The following ZNF724 variants were observed in gnomAD, a reference collection of about 807,000 sequenced individuals.
ZNF724 encodes the protein zinc finger protein 724.
Under a neutral mutation model 29.3 loss-of-function variants are expected in ZNF724, and 14 were observed. The ratio of observed to expected loss-of-function variants is 0.48; its 90% CI spans 0.32 to 0.75. The LOEUF is 0.75. Ranked by LOEUF, ZNF724 falls within the 30% of genes least tolerant of loss-of-function variation. The probability of loss-of-function intolerance (pLI) is 0.04; values close to 1 mark genes in which losing one functional copy is unlikely to be tolerated. For synonymous variants in ZNF724, 180 were observed against 193.6 expected (o/e 0.93, Z 0.58); for missense variants, 557 against 571.2 (o/e 0.98, Z 0.25).
intron 1 of ZNF724, chr19:23,236,561 T>A (rs1226072776): frequency 6.5e-6 from 1 of 153,216 alleles, no homozygotes; most frequent in Non-Finnish European, 1.5e-5. Context: ...CTCTTCATCT[T>A]AGTAAAATTA....
intron 1 of ZNF724, among the ~76,000 whole-genome samples, chr19:23,235,969 AAAG>A (rs758331590): frequency 9.2e-5 from 14 of 152,148 alleles, no homozygotes; most frequent in Non-Finnish European, 1.6e-4. Flanking sequence ...TCCACAAGTA[AAAG>A]AATTTATAGC....
intron 1 of ZNF724, among the ~76,000 whole-genome samples, chr19:23,239,287 G>A (rs193085925): frequency 1.1e-4 from 17 of 151,718 alleles, no homozygotes; most frequent in African/African-American, 1.9e-4. Context: ...TCATCACCAC[G>A]TCACATACTC....
intron 1 of ZNF724, among the ~76,000 whole-genome samples, chr19:23,233,137 T>C (rs941217889): frequency 2.6e-5 from 4 of 152,172 alleles, no homozygotes; most frequent in Admixed American, 6.5e-5. Context: ...TAAATTATAG[T>C]CTAAATTCAA....
At chr19:23,241,009 G>T (rs1972114464) in intron 1 of ZNF724, among the ~76,000 whole-genome samples, 1 of 151,794 alleles carries the variant, frequency 6.6e-6, no homozygotes, top group Non-Finnish European at 1.5e-5. Context: ...CTCCAACCTG[G>T]GCAACAGAGC....
chr19:23,240,281 CAA>C (rs34902602), intron 1 of ZNF724, among the ~76,000 whole-genome samples: 77,566 of 118,510 alleles, frequency 0.65, 25,014 homozygotes, highest in South Asian at 0.74. Flanking sequence ...GAGACTCTGT[CAA>C]AAAAAAAAAA....
intron 1 of ZNF724, among the ~76,000 whole-genome samples, chr19:23,242,005 C>G (rs142518952): frequency 6.6e-6 from 1 of 152,286 alleles, no homozygotes; most frequent in Non-Finnish European, 1.5e-5. Context: ...CAGAAATGCT[C>G]TATAAACTGA....
At chr19:23,250,098 C>A (rs1972325037) in intron 1 of ZNF724, 142 bp downstream of exon 1, 1 of 513,934 alleles carries the variant, frequency 1.9e-6, no homozygotes, top group African/African-American at 1.9e-5. Context: ...CTGAAGGGGA[C>A]TGAGGCCCAG....
At chr19:23,234,302 A>T (rs1290700340) in intron 1 of ZNF724, among the ~76,000 whole-genome samples, 1 of 152,356 alleles carries the variant, frequency 6.6e-6, no homozygotes, top group South Asian at 2.1e-4. Context: ...TGAAGAAGGC[A>T]CAAGTAAAGG....
intron 1 of ZNF724, among the ~76,000 whole-genome samples, chr19:23,243,303 C>T (rs183093961): frequency 9.2e-4 from 139 of 150,634 alleles, no homozygotes; most frequent in Admixed American, 2.6e-3. Context: ...CATGGTGAAA[C>T]GCCGTCTCTA....
At chr19:23,232,442 T>G in intron 1 of ZNF724, 149 bp from the exon 2 acceptor site, 1 of 582,054 alleles carries the variant, frequency 1.7e-6, no homozygotes, top group Non-Finnish European at 3.1e-6. Context: ...AAGACAGAAA[T>G]ATTCTCTGAT....
intron 1 of ZNF724, among the ~76,000 whole-genome samples, chr19:23,241,020 A>C (rs1972114580): frequency 1.3e-5 from 2 of 151,928 alleles, no homozygotes; most frequent in African/African-American, 2.4e-5. Context: ...GCAACAGAGC[A>C]AGACTCCATC....
chr19:23,231,198 A>G, intron 3 of ZNF724, 68 bp downstream of exon 3: 1 of 1,133,002 alleles, frequency 8.8e-7, no homozygotes, highest in Non-Finnish European at 1.3e-6. Context: ...TCGTATTTCA[A>G]AAACTGACTT....
At chr19:23,233,795 C>G (rs1004645203) in intron 1 of ZNF724, among the ~76,000 whole-genome samples, 1 of 128,138 alleles carries the variant, frequency 7.8e-6, no homozygotes, top group Non-Finnish European at 1.7e-5. Flanking sequence ...ACATGTTTAG[C>G]TGAAAAAAAA....
chr19:23,242,427 TAA>T (rs1972140343), intron 1 of ZNF724, among the ~76,000 whole-genome samples: 6 of 151,520 alleles, frequency 4.0e-5, no homozygotes, highest in Admixed American at 3.3e-4. Flanking sequence ...AAAAAAATAC[TAA>T]AAGAAAAATT....
chr19:23,238,195 C>T (rs2145786595), intron 1 of ZNF724, among the ~76,000 whole-genome samples: 1 of 152,110 alleles, frequency 6.6e-6, no homozygotes, highest in East Asian at 1.9e-4. Flanking sequence ...GAAACCCCAT[C>T]TCTACTAAAA....
chr19:23,240,281 CA>C (rs34902602), intron 1 of ZNF724, among the ~76,000 whole-genome samples: 18,669 of 118,502 alleles, frequency 0.16, 1,674 homozygotes, highest in Middle Eastern at 0.21. Context: ...GAGACTCTGT[CA>C]AAAAAAAAAA....
intron 3 of ZNF724, among the ~76,000 whole-genome samples, chr19:23,225,962 C>T (rs897067224): frequency 6.6e-6 from 1 of 151,956 alleles, no homozygotes; most frequent in African/African-American, 2.4e-5. Context: ...AGTAATCCTA[C>T]CCCTTCAATT....
intron 3 of ZNF724, among the ~76,000 whole-genome samples, chr19:23,227,571 C>CAA (rs372023948): frequency 0.012 from 1,466 of 118,834 alleles, 31 homozygotes; most frequent in Admixed American, 0.068. Flanking sequence ...AAAAAAAAAA[C>CAA]AAAAAAAAAC....
At chr19:23,246,222 G>C (rs1972230205) in intron 1 of ZNF724, among the ~76,000 whole-genome samples, 1 of 152,148 alleles carries the variant, frequency 6.6e-6, no homozygotes, top group Admixed American at 6.5e-5. Flanking sequence ...AGGTGCTTAA[G>C]TTTTATACCT....
Sources: allele counts gnomAD v4.1 joint callset (sites outside exome capture counted in the v4.1 genomes callset), GRCh38; gene constraint gnomAD v4.1.1; transcripts MANE v1.5; gene names NCBI Gene and HGNC (gene_info 2026-07-23, HGNC 2026-07-21).